The following ARHGAP23 variants were observed in gnomAD, a reference collection of about 807,000 sequenced individuals.
ARHGAP23 encodes Rho GTPase activating protein 23.
In ARHGAP23, 34 loss-of-function variants were observed where a neutral mutation model predicts 136.3. That is an observed-to-expected ratio of 0.25 (90% confidence interval 0.19 to 0.33). ARHGAP23 has a LOEUF of 0.33. ARHGAP23 is among the 10% of genes least tolerant of loss of function. The pLI is 1.00. For synonymous variants in ARHGAP23, 832 were observed against 920.5 expected, an observed-to-expected ratio of 0.90 and a Z score of 1.74; for missense variants, 1,808 against 2,139.0, an observed-to-expected ratio of 0.85 and a Z score of 3.05.
At chr17:38,509,867 G>T in intron 23 of ARHGAP23, 77 bp from the exon 24 acceptor site, 1 of 1,124,968 alleles carries the variant, frequency 8.9e-7, no homozygotes, top group Non-Finnish European at 1.1e-6. Context: ...CGTGACGTGG[G>T]GGTGGACCGG....
rs140234505 is a variant in ARHGAP23 at position 38,475,321 on chromosome 17, G to T, written c.2119-2258G>T. Among the ~76,000 whole-genome samples, 554 of 152,348 alleles carry T rather than the reference G, an allele frequency of 3.6e-3. 1 individual carries two copies. The highest frequency in any genetic ancestry group is 0.013 in the African/African-American group (523 of 41,564). Reference sequence around the variant, plus strand: ...CAACTCTCTCACTCATTTACCAGCCGGAGACACTGAGGCCTGGGAGTGCGG... The same window carrying T: ...CAACTCTCTCACTCATTTACCAGCCTGAGACACTGAGGCCTGGGAGTGCGG... On this transcript the variant is annotated intron_variant, in intron 11 of 23. Coordinates refer to ENST00000622683, the MANE Select transcript of ARHGAP23 (RefSeq NM_001199417.2).
chr17:38,505,326 C>G (rs1238375348), intron 23 of ARHGAP23, among the ~76,000 whole-genome samples: 3 of 151,600 alleles, frequency 2.0e-5, no homozygotes, highest in Non-Finnish European at 4.4e-5. Context: ...CATCTTAATT[C>G]CAAGTTCTTG....
intron 1 of ARHGAP23, among the ~76,000 whole-genome samples, chr17:38,422,344 C>T (rs139717606): frequency 9.2e-5 from 14 of 152,298 alleles, no homozygotes; most frequent in African/African-American, 3.1e-4. Context: ...CTTTCCTCTC[C>T]GTCTTGGTGT....
chr17:38,504,996 T>C (rs1420865634), intron 23 of ARHGAP23, among the ~76,000 whole-genome samples: 179 of 89,650 alleles, frequency 2.0e-3, no homozygotes, highest in Non-Finnish European at 3.3e-3. Flanking sequence ...TTTTTTTTTT[T>C]TTTTTTTTTT....
intron 2 of ARHGAP23, among the ~76,000 whole-genome samples, chr17:38,460,532 G>A (rs535213141): frequency 6.6e-6 from 1 of 152,246 alleles, no homozygotes; most frequent in Admixed American, 6.5e-5. Flanking sequence ...GGTATTCCCT[G>A]GAGCTGATAG....
intron 19 of ARHGAP23, among the ~76,000 whole-genome samples, chr17:38,491,026 C>T (rs1158187059): frequency 2.0e-5 from 3 of 152,240 alleles, no homozygotes; most frequent in South Asian, 4.1e-4. Flanking sequence ...TCAAGCGATG[C>T]TCCTGCCTCA....
upstream of ARHGAP23, among the ~76,000 whole-genome samples, chr17:38,423,500 T>A (rs967978942): frequency 6.6e-6 from 1 of 151,828 alleles, no homozygotes; most frequent in Admixed American, 6.6e-5. Context: ...GCCTCCTGAG[T>A]AGCTGGGATT....
chr17:38,484,359 G>A (rs1175787819), intron 16 of ARHGAP23, among the ~76,000 whole-genome samples: 5 of 152,160 alleles, frequency 3.3e-5, no homozygotes, highest in Non-Finnish European at 4.4e-5. Flanking sequence ...GTCTCAGGGA[G>A]TGGCTCCATT....
At chr17:38,456,427 C>T (rs1333754336) in intron 1 of ARHGAP23, among the ~76,000 whole-genome samples, 1 of 152,226 alleles carries the variant, frequency 6.6e-6, no homozygotes, top group Non-Finnish European at 1.5e-5. Context: ...GAGCTCCTCA[C>T]TCCAGAACTG....
rs1430640377 is a variant in ARHGAP23, at chr17:38,479,769, A to G, written c.2515A>G (p.Lys839Glu). The change falls in exon 14 of 24, where the codon AAA (lysine) becomes GAA (glutamate). Residue 839 changes from lysine to glutamate, a missense_variant. This residue lies in a region of ARHGAP23 where 139 missense variants were observed against 264.3 expected (regional missense o/e 0.53). Transcript: ENST00000622683. ...CCTACACAGCCATAGCTCTGGGCCC[A>G]AAGCTGATTCCTCCCCCAAAGGCTC... ...YRKVSHSSGP[K>E]ADSSPKGSRG... The G allele has an allele frequency of 6.7e-7, 1 of 1,494,308 alleles. No homozygotes were observed. Among genetic ancestry groups the G allele is most frequent in the South Asian group, 1.3e-5 (1 of 74,594 alleles). The allele number at this position is 1,494,308 out of a possible 1,614,324, so 92.6% of individuals were successfully genotyped here.
At position 38,466,269 on chromosome 17, in the gene ARHGAP23, G is replaced by T; in HGVS notation, c.586G>T (p.Ala196Ser). 1.9e-6 allele frequency: 3 copies of T among 1,548,250 alleles called. No homozygotes were observed. Residue 196 changes from alanine (A) to serine (S), a missense_variant, in exon 7 of 24, where the codon GCC (alanine) becomes TCC (serine). Ala to Ser is a moderately conservative substitution (Grantham distance 99, BLOSUM62 1). Around this residue, in one of 7 missense-constraint regions of ARHGAP23, gnomAD observed 859 missense variants for 936.4 expected, o/e 0.92. Transcript: ENST00000622683. Reference protein sequence around the residue: ...PPICYPRKTYAPPARASTRAT... With the variant: ...PPICYPRKTYSPPARASTRAT... ...GATCTGCTACCCCCGCAAGACCTAC[G>T]CCCCTCCTGCCCGGGCCTCCACCAG...
At position 38,511,005 on chromosome 17, in the gene ARHGAP23, C is replaced by T. The variant is rs1443959216; in HGVS notation, c.*33C>T. 1.4e-6 allele frequency: 2 copies of T among 1,397,752 alleles called. No individual in the cohort carries two copies. Among genetic ancestry groups the T allele is most frequent in the Admixed American group, 3.7e-5 (1 of 26,828 alleles). 86.6% of individuals were successfully genotyped at this position (1,397,752 alleles called of 1,614,324 possible). A position where few individuals can be genotyped will look rare whatever the true frequency, so the allele number is the denominator to read the frequency against. On this transcript the variant is annotated 3_prime_UTR_variant, in exon 24 of 24. Transcript: ENST00000622683. ...CTCCCGCGCCGCTCGGGCGCCACCC[C>T]TCCCTAGAGCCCCTTTGGAACCAGG... is the stretch of plus-strand genomic sequence containing the variant.
chr17:38,420,297 C>T (rs549195074), intron 1 of ARHGAP23, among the ~76,000 whole-genome samples: 5 of 152,334 alleles, frequency 3.3e-5, no homozygotes, highest in African/African-American at 9.6e-5. Flanking sequence ...CAGGGGTTGC[C>T]TTACTCCCTT....
At chr17:38,470,458 A>G (rs2039724188) in intron 10 of ARHGAP23, among the ~76,000 whole-genome samples, 1 of 152,200 alleles carries the variant, frequency 6.6e-6, no homozygotes, top group Non-Finnish European at 1.5e-5. Flanking sequence ...TGTGGCCGGG[A>G]CACAGGGTTG....
chr17:38,490,692 C>A (rs2040258159), intron 19 of ARHGAP23, 141 bp downstream of exon 19: 10 of 701,798 alleles, frequency 1.4e-5, no homozygotes, highest in Middle Eastern at 3.9e-4. Context: ...TGCTCCGTCC[C>A]CACCCCGCTC....
rs1942275415 is a variant in ARHGAP23 at position 38,500,883 on chromosome 17, G to A, written c.3447+255G>A. 5.6e-6 allele frequency: 3 copies of A among 536,438 alleles called. No homozygotes were observed. In the South Asian group the frequency reaches 8.1e-5, roughly 14 times the overall value. 33.2% of individuals were successfully genotyped at this position (536,438 alleles called of 1,614,324 possible). On this transcript the variant is annotated intron_variant, in intron 23 of 23. Transcript: ENST00000622683. The stretch of plus-strand genomic sequence containing the variant: ...GGCTAGGAGGCAATGTCACTCAGTA[G>A]TTAGAAGCACAGACTCTGCAGTCAG...
At chr17:38,489,456 A>G (rs1197095083) in intron 17 of ARHGAP23, among the ~76,000 whole-genome samples, 1 of 142,518 alleles carries the variant, frequency 7.0e-6, no homozygotes, top group African/African-American at 2.6e-5. Flanking sequence ...ATCATATAAT[A>G]AATATCCATA....
chr17:38,469,900 A>T lies in ARHGAP23; in HGVS notation c.1970A>T (p.Asp657Val), dbSNP rs2039706335. The T allele has an allele frequency of 6.4e-7, 1 of 1,551,606 alleles. No homozygotes were observed. Among genetic ancestry groups the T allele is most frequent in the South Asian group, 1.2e-5 (1 of 84,068 alleles). ...CGGATGCTCCGGAGCTTCTTCACCG[A>T]CGGGGTGAGAGCTGCAAGTGTGTGT... The part of the protein sequence containing the change: ...SLRMLRSFFT[D>V]GSLDSWGTSE... Residue 657 changes from aspartate to valine, a missense_variant, in exon 10 of 24, where the codon GAC (aspartate) becomes GTC (valine). Physicochemically the swap from Asp to Val is radical, Grantham distance 152. Coordinates refer to ENST00000622683, the MANE Select transcript of ARHGAP23 (RefSeq NM_001199417.2).
intron 23 of ARHGAP23, among the ~76,000 whole-genome samples, chr17:38,504,976 ATCTTTTTTTTTTTT>A: frequency 1.9e-5 from 1 of 54,036 alleles, no homozygotes; most frequent in African/African-American, 5.4e-5. Context: ...CTCCCTTATC[ATCTTTTTTTTTTTT>A]TTTTTTTTTT....
Sources: allele counts gnomAD v4.1 joint callset (sites outside exome capture counted in the v4.1 genomes callset), GRCh38; gene constraint gnomAD v4.1.1; regional missense constraint gnomAD v4.1.1; transcripts MANE v1.5; gene names NCBI Gene and HGNC (gene_info 2026-07-23, HGNC 2026-07-21).